ANKAR: variants seen among roughly 807,000 people sequenced by gnomAD.
The protein encoded by ANKAR is ankyrin and armadillo repeat containing.
A neutral mutation model predicts 146.2 loss-of-function variants in ANKAR; 136 were observed. That is an observed-to-expected ratio of 0.93 (90% CI 0.81 to 1.07). The LOEUF (loss-of-function observed/expected upper bound fraction) is 1.07. Among genes scored for constraint, ANKAR ranks in the 50% least tolerant of loss-of-function variants. The probability of loss-of-function intolerance (pLI) is 0.00; values close to 1 mark genes in which losing one functional copy is unlikely to be tolerated. For synonymous variants in ANKAR, 500 were observed against 575.8 expected, an observed-to-expected ratio of 0.87 and a Z score of 1.88; for missense variants, 1,567 against 1,679.9, an observed-to-expected ratio of 0.93 and a Z score of 1.18.
chr2:189,710,899 T>G (rs2039597883), intron 9 of ANKAR, 150 bp from the exon 10 acceptor site: 1 of 625,766 alleles, frequency 1.6e-6, no homozygotes, highest in Admixed American at 2.8e-5. Flanking sequence ...TAGGGAGCTG[T>G]GCACAGAGGG....
chr2:189,709,455 C>A (rs1310025138), intron 9 of ANKAR, among the ~76,000 whole-genome samples: 1 of 152,040 alleles, frequency 6.6e-6, no homozygotes, highest in East Asian at 1.9e-4. Flanking sequence ...GAGGGTGGGG[C>A]CCAGGAACCA....
intron 10 of ANKAR, among the ~76,000 whole-genome samples, chr2:189,715,013 C>T (rs1225742634): frequency 6.9e-6 from 1 of 144,646 alleles, no homozygotes; most frequent in Non-Finnish European, 1.5e-5. Flanking sequence ...GACACCCTAA[C>T]ATCACAATTA....
intron 19 of ANKAR, among the ~76,000 whole-genome samples, chr2:189,741,117 C>T (rs1438941276): frequency 6.6e-6 from 1 of 152,128 alleles, no homozygotes; most frequent in African/African-American, 2.4e-5. Flanking sequence ...AAATTTTTCA[C>T]CCTTACATAA....
chr2:189,741,297 T>C, intron 19 of ANKAR, 45 bp from the exon 20 acceptor site: 1 of 1,433,426 alleles, frequency 7.0e-7, no homozygotes, highest in Non-Finnish European at 9.6e-7. Flanking sequence ...ATTATAAGTT[T>C]ATATCAATTA....
chr2:189,724,993 A>G (rs1395612815), intron 12 of ANKAR, among the ~76,000 whole-genome samples: 1 of 152,214 alleles, frequency 6.6e-6, no homozygotes, highest in Non-Finnish European at 1.5e-5. Flanking sequence ...AAGGGTAAAC[A>G]CAAAACAAAC....
intron 2 of ANKAR, among the ~76,000 whole-genome samples, chr2:189,680,201 TCTC>T (rs1300544957): frequency 1.3e-5 from 2 of 152,182 alleles, no homozygotes; most frequent in African/African-American, 4.8e-5. Context: ...AATTTATCCA[TCTC>T]CTCTAGATTT....
At chr2:189,680,935 G>A (rs1267903359) in intron 2 of ANKAR, among the ~76,000 whole-genome samples, 1 of 152,200 alleles carries the variant, frequency 6.6e-6, no homozygotes, top group African/African-American at 2.4e-5. Context: ...AGAGCTTTGT[G>A]AAGATCTGAG....
intron 18 of ANKAR, among the ~76,000 whole-genome samples, chr2:189,753,514 G>A (rs1348707181): frequency 3.3e-5 from 5 of 151,972 alleles, no homozygotes; most frequent in African/African-American, 1.2e-4. Context: ...TTAGTGTCAC[G>A]AAAGTTGGTA....
intron 16 of ANKAR, 34 bp from the exon 17 acceptor site, chr2:189,733,073 A>T (rs1370780990): frequency 1.3e-6 from 2 of 1,584,486 alleles, no homozygotes; most frequent in Non-Finnish European, 1.7e-6. Flanking sequence ...ATAAAGCATA[A>T]TTGAAAAGTA....
At position 189,741,176 on chromosome 2, in the gene ANKAR, G is replaced by A. The variant is rs28379024; in HGVS notation, c.3701-166G>A. 3.2e-3 allele frequency among the ~76,000 whole-genome samples: 489 copies of A among 152,152 alleles called. 1 individual carries two copies. The highest frequency in any genetic ancestry group is 0.011 in the African/African-American group (475 of 41,502). ...TGACAGAAAACCAAACTGTAATTTTGGGGAGTTTATTCTATATTTACATAT... is the reference window on the plus strand; with the variant it reads ...TGACAGAAAACCAAACTGTAATTTTAGGGAGTTTATTCTATATTTACATAT... On this transcript the variant is annotated intron_variant, in intron 19 of 22. Transcript: ENST00000684021.
chr2:189,737,957 C>A, intron 18 of ANKAR, 116 bp downstream of exon 18: 1 of 977,414 alleles, frequency 1.0e-6, no homozygotes, highest in Non-Finnish European at 1.4e-6. Flanking sequence ...AAACTTAGTA[C>A]TTTGCACATA....
At chr2:189,760,417 G>A (rs1337079531) in intron 18 of ANKAR, among the ~76,000 whole-genome samples, 2 of 152,100 alleles carry the variant, frequency 1.3e-5, no homozygotes, top group East Asian at 1.9e-4. Flanking sequence ...GCTGCTGGGC[G>A]GGGGCGCCCC....
At chr2:189,736,469 A>C (rs2042840969) in intron 17 of ANKAR, among the ~76,000 whole-genome samples, 1 of 94,690 alleles carries the variant, frequency 1.1e-5, no homozygotes, top group Non-Finnish European at 2.4e-5. Context: ...TGTACCTAAT[A>C]CCTTTCTTTT....
intron 18 of ANKAR, among the ~76,000 whole-genome samples, chr2:189,751,738 C>G (rs2105973988): frequency 6.6e-6 from 1 of 151,842 alleles, no homozygotes; most frequent in South Asian, 2.1e-4. Context: ...AGCCACCATG[C>G]CTGGCCAATG....
chr2:189,742,967 CACACACACACA>C (rs1401313580), intron 20 of ANKAR, among the ~76,000 whole-genome samples: 3 of 136,482 alleles, frequency 2.2e-5, no homozygotes, highest in Non-Finnish European at 4.9e-5. Context: ...CACACACACA[CACACACACACA>C]CACCCCTGAA....
chr2:189,684,273 C>T (rs2035188363), intron 2 of ANKAR, among the ~76,000 whole-genome samples: 1 of 400 alleles, frequency 2.5e-3, no homozygotes, highest in Non-Finnish European at 0.019. Flanking sequence ...CACCCCACAC[C>T]ACTGTCCACT....
At chr2:189,730,430 T>C in intron 15 of ANKAR, 65 bp from the exon 16 acceptor site, 1 of 970,356 alleles carries the variant, frequency 1.0e-6, no homozygotes, top group Non-Finnish European at 1.5e-6. Context: ...AATATCAAGC[T>C]ATGTTTGACT....
At chr2:189,726,618 G>C (rs2041907091) in intron 12 of ANKAR, among the ~76,000 whole-genome samples, 1 of 152,048 alleles carries the variant, frequency 6.6e-6, no homozygotes, top group Non-Finnish European at 1.5e-5. Flanking sequence ...CCAGATAATA[G>C]AACACTAAAG....
Position 189,741,323 on chromosome 2 carries a change from T to A in ANKAR, c.3701-19T>A, listed in dbSNP as rs1170389420. On this transcript the variant is annotated intron_variant, in intron 19 of 22. Transcript: ENST00000684021. ...ATATCAATTAAATAACACAAGCATT[T>A]TTCTTGTTTAATTTATAGGGAATTT... 4.6e-6 allele frequency: 7 copies of A among 1,537,992 alleles called. No homozygotes were observed. In the Admixed American group the frequency reaches 1.2e-4, roughly 26 times the overall value.
Sources: allele counts gnomAD v4.1 joint callset (sites outside exome capture counted in the v4.1 genomes callset), GRCh38; gene constraint gnomAD v4.1.1; transcripts MANE v1.5; gene names NCBI Gene and HGNC (gene_info 2026-07-23, HGNC 2026-07-21).